The following ANKS1B variants were observed in gnomAD, a reference collection of about 807,000 sequenced individuals.
ANKS1B encodes ankyrin repeat and sterile alpha motif domain-containing protein 1B.
Under a neutral mutation model 148.3 loss-of-function variants are expected in ANKS1B, and 36 were observed. That is an observed-to-expected ratio of 0.24 (90% CI 0.19 to 0.32). The LOEUF (loss-of-function observed/expected upper bound fraction) is 0.32, where lower values mean the gene tolerates loss of function less well. Ranked by LOEUF, ANKS1B falls within the 10% of genes least tolerant of loss-of-function variation. ANKS1B has a pLI of 1.00. For missense variants in ANKS1B, 1,157 were observed against 1,542.6 expected, an observed-to-expected ratio of 0.75 and a Z score of 4.19; for synonymous variants, 542 against 560.8, an observed-to-expected ratio of 0.97 and a Z score of 0.47.
intron 1 of ANKS1B, among the ~76,000 whole-genome samples, chr12:99,936,843 T>C (rs1033586531): frequency 1.1e-4 from 16 of 152,326 alleles, no homozygotes; most frequent in Middle Eastern, 3.4e-3. Context: ...CTTCCAACTT[T>C]GTTTTTGCAG....
chr12:98,907,653 C>T (rs922757215), intron 17 of ANKS1B, among the ~76,000 whole-genome samples: 1 of 152,184 alleles, frequency 6.6e-6, no homozygotes, highest in African/African-American at 2.4e-5. Flanking sequence ...TCCCTAATTG[C>T]AACATCATGG....
intron 12 of ANKS1B, among the ~76,000 whole-genome samples, chr12:99,307,740 ACAT>A (rs1177251302): frequency 6.6e-6 from 1 of 151,538 alleles, no homozygotes; most frequent in Non-Finnish European, 1.5e-5. Flanking sequence ...TCAAGAATTG[ACAT>A]GCTGATATAA....
intron 1 of ANKS1B, among the ~76,000 whole-genome samples, chr12:99,951,599 G>A (rs566297705): frequency 1.3e-5 from 2 of 152,064 alleles, no homozygotes; most frequent in South Asian, 2.1e-4. Flanking sequence ...TTTGGAGCTA[G>A]TGCAGTGGCT....
At chr12:99,954,682 C>G (rs948778079) in intron 1 of ANKS1B, among the ~76,000 whole-genome samples, 1 of 152,138 alleles carries the variant, frequency 6.6e-6, no homozygotes, top group African/African-American at 2.4e-5. Flanking sequence ...TGGTTCTCAA[C>G]CAGAAGCAAT....
intron 8 of ANKS1B, among the ~76,000 whole-genome samples, chr12:99,671,597 G>A (rs2098538462): frequency 6.6e-6 from 1 of 151,714 alleles, no homozygotes; most frequent in Admixed American, 6.6e-5. Flanking sequence ...GTAAAATTTG[G>A]GAGAAAAAGT....
rs548769265 is a variant in ANKS1B, at chr12:99,799,758, A to G, written c.669+6646T>C. Among the ~76,000 whole-genome samples the G allele has an allele frequency of 7.7e-4, 118 of 152,282 alleles. 1 individual carries two copies. In the South Asian group the frequency reaches 0.022, roughly 29 times the overall value. The stretch of plus-strand genomic sequence containing the variant: ...AGAAAGTCATGAGGGTTAGTAAGGC[A>G]GAGGCCTGGAGGTAGGAGTGTACAT... On this transcript the variant is annotated intron_variant, in intron 4 of 26. Coordinates refer to ENST00000683438, the MANE Select transcript of ANKS1B (RefSeq NM_001352186.2).
intron 9 of ANKS1B, among the ~76,000 whole-genome samples, chr12:99,615,349 T>A (rs184465556): frequency 7.9e-5 from 12 of 152,160 alleles, no homozygotes; most frequent in African/African-American, 2.9e-4. Flanking sequence ...GCACATTCAA[T>A]AGTTAAAAAA....
chr12:99,853,686 A>G (rs1476442496), intron 1 of ANKS1B, among the ~76,000 whole-genome samples: 1 of 152,190 alleles, frequency 6.6e-6, no homozygotes, highest in African/African-American at 2.4e-5. Flanking sequence ...CCAAAAGTTC[A>G]CACTAGCTCA....
intron 12 of ANKS1B, among the ~76,000 whole-genome samples, chr12:99,327,223 T>TTTATAATTATAATAATTATAATTTA (rs1297309959): frequency 8.6e-5 from 10 of 116,688 alleles, no homozygotes; most frequent in African/African-American, 1.7e-4. Context: ...TATAATATAA[T>TTTATAATTATAATAATTATAATTTA]TTATAATTAT....
intron 17 of ANKS1B, among the ~76,000 whole-genome samples, chr12:98,845,975 TATATAC>T (rs869158095): frequency 0.031 from 3,040 of 98,568 alleles, 41 homozygotes; most frequent in South Asian, 0.088. Flanking sequence ...CATATATATA[TATATAC>T]ACACACACAC....
intron 19 of ANKS1B, among the ~76,000 whole-genome samples, chr12:98,816,672 A>G (rs1192378259): frequency 1.3e-5 from 2 of 152,226 alleles, no homozygotes; most frequent in East Asian, 3.8e-4. Flanking sequence ...ATGCAAAAGT[A>G]GTTACTGGTC....
intron 25 of ANKS1B, among the ~76,000 whole-genome samples, chr12:98,772,588 C>T (rs1306684367): frequency 6.6e-6 from 1 of 152,170 alleles, no homozygotes; most frequent in Non-Finnish European, 1.5e-5. Context: ...ATTTATAAAA[C>T]CATCAGATCT....
intron 12 of ANKS1B, among the ~76,000 whole-genome samples, chr12:99,353,353 C>T (rs1351490097): frequency 6.6e-6 from 1 of 151,976 alleles, no homozygotes; most frequent in Non-Finnish European, 1.5e-5. Context: ...AAAATCCTGG[C>T]ATATGATAAG....
intron 22 of ANKS1B, among the ~76,000 whole-genome samples, chr12:98,796,594 C>T (rs2036225): frequency 0.39 from 59,260 of 151,960 alleles, 13,133 homozygotes; most frequent in East Asian, 0.73. Flanking sequence ...TTTTGAAAGA[C>T]TCTGGTGAAA....
intron 8 of ANKS1B, among the ~76,000 whole-genome samples, chr12:99,662,751 G>A (rs996567): frequency 0.18 from 27,379 of 151,856 alleles, 2,736 homozygotes; most frequent in East Asian, 0.43. Context: ...ACTCTATAGC[G>A]GAGGTGAATG....
chr12:99,434,418 G>C (rs192518560), intron 11 of ANKS1B, among the ~76,000 whole-genome samples: 1 of 151,820 alleles, frequency 6.6e-6, no homozygotes, highest in African/African-American at 2.4e-5. Context: ...TATCTACAAA[G>C]GATGTATTTC....
chr12:99,670,533 T>C (rs150756712), intron 8 of ANKS1B, among the ~76,000 whole-genome samples: 1 of 152,260 alleles, frequency 6.6e-6, no homozygotes, highest in African/African-American at 2.4e-5. Flanking sequence ...GATTAAAAAC[T>C]ACTGTCTACA....
intron 14 of ANKS1B, among the ~76,000 whole-genome samples, chr12:99,184,433 A>C (rs1366238590): frequency 6.6e-6 from 1 of 152,222 alleles, no homozygotes; most frequent in East Asian, 1.9e-4. Context: ...AGAATAAAGA[A>C]AAGACTTAGG....
intron 15 of ANKS1B, among the ~76,000 whole-genome samples, chr12:99,134,463 T>C (rs2067191008): frequency 6.6e-6 from 1 of 151,998 alleles, no homozygotes; most frequent in African/African-American, 2.4e-5. Flanking sequence ...AGTTTCAGTC[T>C]GAGAGAATGG....
Sources: allele counts gnomAD v4.1 joint callset (sites outside exome capture counted in the v4.1 genomes callset), GRCh38; gene constraint gnomAD v4.1.1; transcripts MANE v1.5; gene names NCBI Gene and HGNC (gene_info 2026-07-23, HGNC 2026-07-21).